Variants in DSCAML1 observed in about 807,000 individuals in gnomAD.
DSCAML1 encodes the protein cell adhesion molecule DSCAML1.
DSCAML1 carries 38 observed loss-of-function variants against 200.5 expected under a neutral mutation model. The ratio of observed to expected loss-of-function variants is 0.19; its 90% CI spans 0.15 to 0.25. DSCAML1 has a LOEUF of 0.25. Ranked by LOEUF, DSCAML1 falls within the 10% of genes least tolerant of loss-of-function variation. The pLI is 1.00. For synonymous variants in DSCAML1, 1,215 were observed against 1,165.0 expected, an observed-to-expected ratio of 1.04 and a Z score of -0.87; for missense variants, 2,223 against 2,858.8, an observed-to-expected ratio of 0.78 and a Z score of 5.07.
intron 3 of DSCAML1, among the ~76,000 whole-genome samples, chr11:117,634,016 G>A (rs115654507): frequency 8.3e-4 from 126 of 152,314 alleles, no homozygotes; most frequent in African/African-American, 2.8e-3. Context: ...GCCCTGCACC[G>A]TGCTGGAGAT....
chr11:117,562,982 T>G (rs2137418992), intron 3 of DSCAML1, among the ~76,000 whole-genome samples: 1 of 152,326 alleles, frequency 6.6e-6, no homozygotes, highest in East Asian at 1.9e-4. Flanking sequence ...TGGAAGGATC[T>G]GATGCAGAAA....
chr11:117,786,597 A>T (rs2055356844), intron 1 of DSCAML1, among the ~76,000 whole-genome samples: 1 of 152,056 alleles, frequency 6.6e-6, no homozygotes, highest in Non-Finnish European at 1.5e-5. Context: ...CCTGTGTGGG[A>T]TGGAAGTGTC....
intron 3 of DSCAML1, among the ~76,000 whole-genome samples, chr11:117,706,505 G>A (rs2053761299): frequency 6.6e-6 from 1 of 152,168 alleles, no homozygotes; most frequent in Admixed American, 6.5e-5. Context: ...GGTGTAAATG[G>A]GAAGGCCCTC....
At chr11:117,545,509 C>A (rs1307908183) in intron 3 of DSCAML1, among the ~76,000 whole-genome samples, 1 of 152,180 alleles carries the variant, frequency 6.6e-6, no homozygotes, top group African/African-American at 2.4e-5. Context: ...TAGGACTCTT[C>A]CAGCACTAAC....
intron 3 of DSCAML1, among the ~76,000 whole-genome samples, chr11:117,721,439 C>T (rs1369628163): frequency 6.6e-6 from 1 of 152,124 alleles, no homozygotes. Context: ...TTCCAACCAT[C>T]CCTCAACAGC....
At chr11:117,543,215 G>T (rs1395278962) in intron 3 of DSCAML1, among the ~76,000 whole-genome samples, 1 of 152,230 alleles carries the variant, frequency 6.6e-6, no homozygotes, top group Non-Finnish European at 1.5e-5. Context: ...ATCCTGCCAT[G>T]ATCAGTTGCC....
At chr11:117,444,562 G>A (rs1386456137) in intron 20 of DSCAML1, among the ~76,000 whole-genome samples, 3 of 152,192 alleles carry the variant, frequency 2.0e-5, no homozygotes, top group Non-Finnish European at 4.4e-5. Flanking sequence ...GGGAGGAGGG[G>A]GCGGGAGAAG....
At chr11:117,575,198 A>C (rs187889407) in intron 3 of DSCAML1, among the ~76,000 whole-genome samples, 1 of 152,274 alleles carries the variant, frequency 6.6e-6, no homozygotes, top group East Asian at 1.9e-4. Context: ...TTTCAAAAAT[A>C]AAAAACAGAA....
chr11:117,805,783 GCA>G (rs2055703229), intron 1 of DSCAML1, among the ~76,000 whole-genome samples: 1 of 152,224 alleles, frequency 6.6e-6, no homozygotes, highest in Non-Finnish European at 1.5e-5. Flanking sequence ...GGAAAGTCTA[GCA>G]CAGAGTCCCT....
chr11:117,596,961 C>T (rs778341382), intron 3 of DSCAML1, among the ~76,000 whole-genome samples: 4 of 152,240 alleles, frequency 2.6e-5, no homozygotes, highest in African/African-American at 9.6e-5. Flanking sequence ...TTTGTCCCTG[C>T]GGTGGGCTTT....
At chr11:117,641,758 C>G (rs1222204120) in intron 3 of DSCAML1, among the ~76,000 whole-genome samples, 2 of 152,196 alleles carry the variant, frequency 1.3e-5, no homozygotes, top group African/African-American at 4.8e-5. Flanking sequence ...CTGCGACCGG[C>G]TCTATGCCCC....
Position 117,505,709 on chromosome 11 carries a change from C to T in DSCAML1, c.1807G>A (p.Glu603Lys), listed in dbSNP as rs1455519704. ...TGGCCGATGGAGGCGGGTGGGAATT[C>T]GAAGGGCTGGATCAGAGGGGGCACT... ...VKVPPLIQPF[E>K]FPPASIGQLL... The change falls in exon 9 of 33, where the codon GAA becomes AAA. Residue 603 changes from glutamate to lysine, a missense_variant. Around this residue, in one of 7 missense-constraint regions of DSCAML1, gnomAD observed 212 missense variants for 368.0 expected, o/e 0.58. Transcript: ENST00000651296. The surrounding 1 kb of genome is among the most constrained non-coding windows in gnomAD (Gnocchi z 6.7). 2.5e-6 allele frequency: 4 copies of T among 1,611,776 alleles called. No homozygotes were observed. Among genetic ancestry groups the T allele is most frequent in the East Asian group, 2.2e-5 (1 of 44,844 alleles).
chr11:117,776,697 T>C (rs2055133757), intron 3 of DSCAML1, 94 bp downstream of exon 3: 2 of 1,464,572 alleles, frequency 1.4e-6, no homozygotes, highest in Admixed American at 1.8e-5. Flanking sequence ...CTCAAGATCT[T>C]ATTGAGCTCA....
chr11:117,816,081 G>A (rs997390899), intron 1 of DSCAML1, among the ~76,000 whole-genome samples: 11 of 152,050 alleles, frequency 7.2e-5, no homozygotes, highest in Admixed American at 2.0e-4. Flanking sequence ...GGGAATGAAC[G>A]TTTGAAGTTC....
chr11:117,551,667 C>T (rs764333458), intron 3 of DSCAML1, among the ~76,000 whole-genome samples: 15 of 152,116 alleles, frequency 9.9e-5, no homozygotes, highest in Admixed American at 2.0e-4. Flanking sequence ...AGTTGCTGCC[C>T]CCAGAACTGG....
chr11:117,482,201 G>A (rs2048941218), intron 11 of DSCAML1, 39 bp from the exon 12 acceptor site: 3 of 1,610,582 alleles, frequency 1.9e-6, no homozygotes, highest in Non-Finnish European at 2.5e-6. Context: ...TGAAGGTCGG[G>A]AGACCAGCCT....
rs760440619 is a variant in DSCAML1 at position 117,444,064 on chromosome 11, C to G, written c.3709-25G>C. 4 of 1,595,026 alleles carry G rather than the reference C, an allele frequency of 2.5e-6. No individual in the cohort carries two copies. In the South Asian group the frequency reaches 4.5e-5, roughly 18 times the overall value. ...CCTGCGGGGCAGAGGCAAAGAGGCT[C>G]TAAGAAGCAGAACTGGGGCCCTCCA... On this transcript the variant is annotated intron_variant, in intron 20 of 32. Transcript: ENST00000651296.
chr11:117,629,075 A>G (rs530643066), intron 3 of DSCAML1, among the ~76,000 whole-genome samples: 1 of 152,330 alleles, frequency 6.6e-6, no homozygotes, highest in East Asian at 1.9e-4. Flanking sequence ...CAAGTGGAAC[A>G]TGAACTTCCT....
chr11:117,479,305 A>G (rs1021399211), intron 14 of DSCAML1, among the ~76,000 whole-genome samples: 2 of 152,244 alleles, frequency 1.3e-5, no homozygotes, highest in African/African-American at 4.8e-5. Context: ...TGAGGGAAGG[A>G]GACTGAGGAA....
Sources: allele counts gnomAD v4.1 joint callset (sites outside exome capture counted in the v4.1 genomes callset), GRCh38; gene constraint gnomAD v4.1.1; regional missense constraint gnomAD v4.1.1; non-coding constraint Gnocchi (gnomAD v3.1); transcripts MANE v1.5; gene names NCBI Gene and HGNC (gene_info 2026-07-23, HGNC 2026-07-21).